Variants in PLA2G12A observed in about 807,000 individuals in gnomAD.
PLA2G12A encodes the protein phospholipase A2 group XIIA.
PLA2G12A carries 11 observed loss-of-function variants against 16.0 expected under a neutral mutation model. The ratio of observed to expected loss-of-function variants is 0.69; its 90% CI spans 0.43 to 1.13. PLA2G12A has a LOEUF of 1.13. PLA2G12A is among the 50% of genes most tolerant of loss of function. PLA2G12A has a pLI of 0.00. For synonymous variants in PLA2G12A, 77 were observed against 93.8 expected (o/e 0.82, Z 1.03); for missense variants, 214 against 237.3 (o/e 0.90, Z 0.65).
chr4:109,711,624 A>G lies in PLA2G12A; in HGVS notation c.*2753T>C, dbSNP rs975648700. On this transcript the variant is annotated 3_prime_UTR_variant, in exon 4 of 4. Transcript: ENST00000243501. ...ATGTAAACAAATTAGGGTGGGAGGG[A>G]GAAACAAATTTTCCATATAGAAAAA... The G allele has an allele frequency of 3.3e-5, 5 of 152,212 alleles. No individual in the cohort carries two copies. The highest frequency in any genetic ancestry group is 1.2e-4 in the African/African-American group (5 of 41,454). 9.4% of individuals were successfully genotyped at this position (152,212 alleles called of 1,614,324 possible).
At chr4:109,719,503 AG>A (rs1245222432) in intron 1 of PLA2G12A, among the ~76,000 whole-genome samples, 1 of 152,222 alleles carries the variant, frequency 6.6e-6, no homozygotes, top group Non-Finnish European at 1.5e-5. Context: ...AGTAGCATCA[AG>A]GGTTCAGTAA....
In PLA2G12A at chr4:109,710,960, A is replaced by AT. The variant is rs1730714280; in HGVS notation, c.*3416dup. 6.6e-6 allele frequency: 1 copy of AT among 151,032 alleles called. No individual in the cohort carries two copies. The highest frequency in any genetic ancestry group is 1.5e-5 in the Non-Finnish European group (1 of 67,928). The allele number at this position is 151,032 out of a possible 1,614,324, so 9.4% of individuals were successfully genotyped here. ...GTCCCTGGAAGAACTATGTCAAAAG[A>AT]TTTTAAAGAGACAGGCATCATTTGA... On this transcript the variant is annotated 3_prime_UTR_variant, in exon 4 of 4. Coordinates refer to ENST00000243501, the MANE Select transcript of PLA2G12A (RefSeq NM_030821.5).
chr4:109,727,589 A>C (rs1054192608), intron 1 of PLA2G12A, among the ~76,000 whole-genome samples: 6 of 152,162 alleles, frequency 3.9e-5, no homozygotes, highest in Admixed American at 3.3e-4. Flanking sequence ...ACCTTCCTCT[A>C]AACTCCAAAT....
chr4:109,724,915 T>A (rs762391435), intron 1 of PLA2G12A, among the ~76,000 whole-genome samples: 4 of 152,214 alleles, frequency 2.6e-5, no homozygotes, highest in Non-Finnish European at 5.9e-5. Context: ...GGTAAAAAGT[T>A]TGGCTCCCCA....
chr4:109,714,392 T>C lies in PLA2G12A; in HGVS notation c.555A>G (p.Glu185=). Residue 185 remains glutamate (E), a synonymous_variant, in exon 4 of 4, where the codon GAA becomes GAG. Transcript: ENST00000243501. ...GGCATCTCCTTTAAAGATCAGTTTTTTCTTCATAATGACACCTGCATGCGG... is the reference window on the plus strand; with the variant it reads ...GGCATCTCCTTTAAAGATCAGTTTTCTCTTCATAATGACACCTGCATGCGG... ...QRAACRCHYE[E]KTDL 1 of 1,612,168 alleles carries C rather than the reference T, an allele frequency of 6.2e-7. No homozygotes were observed. The highest frequency in any genetic ancestry group is 8.5e-7 in the Non-Finnish European group (1 of 1,178,192).
intron 1 of PLA2G12A, among the ~76,000 whole-genome samples, chr4:109,722,735 A>G (rs77476567): frequency 0.065 from 9,891 of 152,228 alleles, 449 homozygotes; most frequent in East Asian, 0.21. Flanking sequence ...CCCTGACCAT[A>G]CTATTTGTAG....
intron 1 of PLA2G12A, among the ~76,000 whole-genome samples, chr4:109,724,933 T>C (rs1266969727): frequency 6.6e-6 from 1 of 152,124 alleles, no homozygotes; most frequent in East Asian, 1.9e-4. Flanking sequence ...CCAGTGTAAA[T>C]GGCAAAAGGG....
At chr4:109,725,535 C>T (rs1352290362) in intron 1 of PLA2G12A, among the ~76,000 whole-genome samples, 1 of 152,156 alleles carries the variant, frequency 6.6e-6, no homozygotes, top group Non-Finnish European at 1.5e-5. Flanking sequence ...TGATGTGTTG[C>T]GGCCATTGTC....
intron 1 of PLA2G12A, among the ~76,000 whole-genome samples, chr4:109,724,304 T>C (rs1374325055): frequency 3.9e-5 from 6 of 152,168 alleles, no homozygotes; most frequent in Non-Finnish European, 8.8e-5. Flanking sequence ...CTTGTATTTT[T>C]AGTAGAGATG....
chr4:109,715,173 C>A (rs946625044), intron 3 of PLA2G12A, among the ~76,000 whole-genome samples: 2 of 152,060 alleles, frequency 1.3e-5, no homozygotes, highest in African/African-American at 4.8e-5. Flanking sequence ...AGTGTTTTAA[C>A]TTTCTTTTTA....
intron 1 of PLA2G12A, 124 bp downstream of exon 1, chr4:109,729,478 G>A (rs1723004087): frequency 9.1e-7 from 1 of 1,094,008 alleles, no homozygotes; most frequent in Non-Finnish European, 1.3e-6. Flanking sequence ...CAGTGGTTAA[G>A]TTTTTCCACA....
chr4:109,714,002 T>C lies in PLA2G12A; in HGVS notation c.*375A>G, dbSNP rs1007545751. 1.2e-5 allele frequency: 2 copies of C among 172,026 alleles called. No individual in the cohort carries two copies. The highest frequency in any genetic ancestry group is 5.8e-5 in the Admixed American group (1 of 17,156). The allele number at this position is 172,026 out of a possible 1,614,324, so 10.7% of individuals were successfully genotyped here. A position where few individuals can be genotyped will look rare whatever the true frequency, so the allele number is the denominator to read the frequency against. On this transcript the variant is annotated 3_prime_UTR_variant, in exon 4 of 4. Coordinates refer to ENST00000243501, the MANE Select transcript of PLA2G12A (RefSeq NM_030821.5). ...TCCCCATTTTCCAAATAAGATAATG[T>C]TGAACAGACATTATGATGAATTTTA...
intron 3 of PLA2G12A, among the ~76,000 whole-genome samples, chr4:109,715,812 G>C (rs1453080600): frequency 6.6e-6 from 1 of 152,090 alleles, no homozygotes; most frequent in East Asian, 1.9e-4. Flanking sequence ...ACTATGAAAA[G>C]GTAATTTATT....
intron 1 of PLA2G12A, among the ~76,000 whole-genome samples, chr4:109,723,186 T>C (rs937872987): frequency 6.7e-6 from 1 of 150,238 alleles, no homozygotes; most frequent in African/African-American, 2.5e-5. Context: ...GTTTCAGCTG[T>C]GCCTGACTGC....
chr4:109,725,878 A>C (rs1253135091), intron 1 of PLA2G12A, among the ~76,000 whole-genome samples: 1 of 152,198 alleles, frequency 6.6e-6, no homozygotes, highest in Non-Finnish European at 1.5e-5. Flanking sequence ...CTGCACTCCC[A>C]AACACTTGAG....
intron 2 of PLA2G12A, 105 bp from the exon 3 acceptor site, chr4:109,717,818 T>C: frequency 8.9e-7 from 1 of 1,119,960 alleles, no homozygotes; most frequent in Non-Finnish European, 1.3e-6. Context: ...GACTGCTGTA[T>C]AGATAGTTCC....
chr4:109,717,794 G>GTA, intron 2 of PLA2G12A, 81 bp from the exon 3 acceptor site: 1 of 1,320,380 alleles, frequency 7.6e-7, no homozygotes, highest in Non-Finnish European at 1.1e-6. Flanking sequence ...GACTAAATAG[G>GTA]TATAAATGAT....
intron 3 of PLA2G12A, among the ~76,000 whole-genome samples, chr4:109,716,644 T>G (rs1481537115): frequency 6.6e-6 from 1 of 152,192 alleles, no homozygotes; most frequent in Non-Finnish European, 1.5e-5. Context: ...TCATCATTCT[T>G]TTAAAAATGA....
intron 3 of PLA2G12A, 111 bp from the exon 4 acceptor site, chr4:109,714,606 T>C: frequency 1.4e-6 from 1 of 706,436 alleles, no homozygotes; most frequent in Non-Finnish European, 2.5e-6. Flanking sequence ...CTGAAATGTA[T>C]GCTAGATGAA....
Sources: allele counts gnomAD v4.1 joint callset (sites outside exome capture counted in the v4.1 genomes callset), GRCh38; gene constraint gnomAD v4.1.1; transcripts MANE v1.5; gene names NCBI Gene and HGNC (gene_info 2026-07-23, HGNC 2026-07-21).